The following SYT2 variants were observed in gnomAD, a reference collection of about 807,000 sequenced individuals.
SYT2 encodes synaptotagmin 2.
A neutral mutation model predicts 39.9 loss-of-function variants in SYT2; 15 were observed. That is an observed-to-expected ratio of 0.38 (90% confidence interval 0.25 to 0.58). The LOEUF is 0.58. SYT2 is among the 20% of genes least tolerant of loss of function. The pLI is 0.70. For synonymous variants in SYT2, 181 were observed against 204.5 expected, an observed-to-expected ratio of 0.89 and a Z score of 0.98; for missense variants, 389 against 530.3, an observed-to-expected ratio of 0.73 and a Z score of 2.62.
chr1:202,643,706 G>A (rs1692000649), intron 1 of SYT2, among the ~76,000 whole-genome samples: 1 of 152,112 alleles, frequency 6.6e-6, no homozygotes, highest in East Asian at 1.9e-4. Flanking sequence ...GAGAAGGGGA[G>A]GTGTGTGCGG....
intron 1 of SYT2, among the ~76,000 whole-genome samples, chr1:202,667,738 A>C (rs1172205295): frequency 6.6e-6 from 1 of 151,810 alleles, no homozygotes; most frequent in Middle Eastern, 3.2e-3. Flanking sequence ...TTTGAGATGG[A>C]GTCTTGCTCT....
At chr1:202,616,243 C>T (rs1572626709) in intron 1 of SYT2, among the ~76,000 whole-genome samples, 1 of 152,172 alleles carries the variant, frequency 6.6e-6, no homozygotes, top group African/African-American at 2.4e-5. Context: ...AAACCACAGA[C>T]CTTTCCTCCT....
In SYT2 at chr1:202,599,975, G is replaced by GGGCAGAGCC. The variant is rs541104058; in HGVS notation, c.919+373_919+381dup. Among the ~76,000 whole-genome samples the GGGCAGAGCC allele has an allele frequency of 3.9e-5, 6 of 152,206 alleles. No individual in the cohort carries two copies. Among genetic ancestry groups the GGGCAGAGCC allele is most frequent in the Non-Finnish European group, 7.3e-5 (5 of 68,036 alleles). On this transcript the variant is annotated intron_variant, in intron 7 of 8. Coordinates refer to ENST00000367268, the MANE Select transcript of SYT2 (RefSeq NM_177402.5). This position sits in a 1 kb window ranked among gnomAD's most constrained non-coding sequence, Gnocchi z 4.4. ...CCCTTGCCTCACCCTCCCCTTTCCA[G>GGGCAGAGCC]GGCAGAGCCAGCAGAGCCTACAGCC... is the stretch of plus-strand genomic sequence containing the variant.
At chr1:202,701,952 C>G (rs1654132501) in intron 1 of SYT2, among the ~76,000 whole-genome samples, 1 of 152,218 alleles carries the variant, frequency 6.6e-6, no homozygotes, top group Non-Finnish European at 1.5e-5. Flanking sequence ...CCTAGGCCAT[C>G]TGACTCCCAG....
At chr1:202,636,370 G>A (rs1691739721) in intron 1 of SYT2, 1 of 985,390 alleles carries the variant, frequency 1.0e-6, no homozygotes. Context: ...AAGCCAGCAT[G>A]TGCTCCAGAG....
chr1:202,659,053 T>G (rs1282432473), intron 1 of SYT2, among the ~76,000 whole-genome samples: 2 of 151,822 alleles, frequency 1.3e-5, no homozygotes, highest in Non-Finnish European at 2.9e-5. Flanking sequence ...TCTGAATGAG[T>G]TTTTTGAGGG....
intron 1 of SYT2, among the ~76,000 whole-genome samples, chr1:202,621,506 A>G (rs1691201696): frequency 6.6e-6 from 1 of 152,166 alleles, no homozygotes; most frequent in South Asian, 2.1e-4. Context: ...TATGTTGCTC[A>G]GGCTGGTCTT....
At chr1:202,602,100 C>T (rs376363191) in intron 5 of SYT2, 43 bp from the exon 6 acceptor site, 41 of 1,607,928 alleles carry the variant, frequency 2.5e-5, no homozygotes, top group East Asian at 1.1e-4. Context: ...GAGCGACTCA[C>T]GCACCTCCAG....
At chr1:202,638,769 G>C (rs559888821) in intron 1 of SYT2, among the ~76,000 whole-genome samples, 1 of 151,750 alleles carries the variant, frequency 6.6e-6, no homozygotes, top group African/African-American at 2.4e-5. Context: ...CCCCTACCCC[G>C]CCCCATCCCA....
At chr1:202,650,441 T>G (rs987036271) in intron 1 of SYT2, among the ~76,000 whole-genome samples, 8 of 136,252 alleles carry the variant, frequency 5.9e-5, no homozygotes, top group African/African-American at 2.6e-4. Flanking sequence ...TATGCTTTTG[T>G]TTTTTTTTTT....
rs186063762 is a variant in SYT2 at position 202,699,627 on chromosome 1, G to A, written c.-18+10631C>T. ...ATTGTAGTGATAGCTGTATAATGTT[G>A]TAAATTTACTAAAAATCACTGAACT... On this transcript the variant is annotated intron_variant, in intron 1 of 8. Coordinates refer to ENST00000367268, the MANE Select transcript of SYT2 (RefSeq NM_177402.5). Among the ~76,000 whole-genome samples, 5 of 152,272 alleles carry A rather than the reference G, an allele frequency of 3.3e-5. No homozygotes were observed. In the East Asian group the frequency reaches 7.7e-4, roughly 24 times the overall value.
chr1:202,653,901 G>A (rs1692234073), intron 1 of SYT2, among the ~76,000 whole-genome samples: 1 of 152,206 alleles, frequency 6.6e-6, no homozygotes, highest in Non-Finnish European at 1.5e-5. Context: ...CCTTGACTAA[G>A]TTATCCTCTC....
chr1:202,657,405 G>A (rs1455196134), intron 1 of SYT2, among the ~76,000 whole-genome samples: 1 of 152,226 alleles, frequency 6.6e-6, no homozygotes, highest in Non-Finnish European at 1.5e-5. Flanking sequence ...TTCCCTGGGA[G>A]GTGGGGTCAG....
At chr1:202,637,594 G>C (rs1353653371) in intron 1 of SYT2, among the ~76,000 whole-genome samples, 1 of 152,230 alleles carries the variant, frequency 6.6e-6, no homozygotes, top group African/African-American at 2.4e-5. Flanking sequence ...TTGAAGGCAG[G>C]CTTGGAGCTG....
At chr1:202,671,296 C>T (rs1471605807) in intron 1 of SYT2, among the ~76,000 whole-genome samples, 2 of 152,234 alleles carry the variant, frequency 1.3e-5, no homozygotes, top group Non-Finnish European at 2.9e-5. Context: ...GCCACTCCTG[C>T]CTGCCTGGGA....
At chr1:202,679,197 G>C (rs990277510) in intron 1 of SYT2, among the ~76,000 whole-genome samples, 4 of 152,084 alleles carry the variant, frequency 2.6e-5, no homozygotes, top group African/African-American at 9.7e-5. Context: ...GCATCCCCCA[G>C]AGGTCTCTGC....
At chr1:202,665,889 C>A (rs1692473129) in intron 1 of SYT2, among the ~76,000 whole-genome samples, 1 of 152,312 alleles carries the variant, frequency 6.6e-6, no homozygotes, top group Non-Finnish European at 1.5e-5. Context: ...CGCTGTGGCT[C>A]ACACCTGTAA....
chr1:202,616,421 C>G (rs757839664), intron 1 of SYT2, among the ~76,000 whole-genome samples: 1 of 152,130 alleles, frequency 6.6e-6, no homozygotes, highest in South Asian at 2.1e-4. Flanking sequence ...TCACATCACC[C>G]ACCAAAAATG....
intron 1 of SYT2, among the ~76,000 whole-genome samples, chr1:202,674,394 G>T (rs978011757): frequency 2.0e-5 from 3 of 152,142 alleles, no homozygotes; most frequent in African/African-American, 7.2e-5. Flanking sequence ...GAGCCACCGC[G>T]CCTGGCCTAG....
Sources: allele counts gnomAD v4.1 joint callset (sites outside exome capture counted in the v4.1 genomes callset), GRCh38; gene constraint gnomAD v4.1.1; non-coding constraint Gnocchi (gnomAD v3.1); transcripts MANE v1.5; gene names NCBI Gene and HGNC (gene_info 2026-07-23, HGNC 2026-07-21).